The following DPP10 variants were observed in gnomAD, a reference collection of about 807,000 sequenced individuals.
The protein encoded by DPP10 is inactive dipeptidyl peptidase 10.
DPP10 carries 33 observed loss-of-function variants against 120.9 expected under a neutral mutation model. The ratio of observed to expected loss-of-function variants is 0.27; its 90% CI spans 0.21 to 0.37. The LOEUF is 0.37. Among genes scored for constraint, DPP10 ranks in the 10% least tolerant of loss-of-function variants. The probability of loss-of-function intolerance (pLI) is 1.00; values close to 1 mark genes in which losing one functional copy is unlikely to be tolerated. For missense variants in DPP10, 816 were observed against 942.8 expected (o/e 0.87, Z 1.76); for synonymous variants, 337 against 326.1 (o/e 1.03, Z -0.36).
At chr2:115,022,216 G>A (rs143991726) in intron 1 of DPP10, among the ~76,000 whole-genome samples, 3 of 152,228 alleles carry the variant, frequency 2.0e-5, no homozygotes, top group African/African-American at 7.2e-5. Flanking sequence ...TAAAGAGGAA[G>A]TGAAACTTTG....
At chr2:115,323,974 C>G (rs1490012892) in intron 2 of DPP10, among the ~76,000 whole-genome samples, 5 of 152,104 alleles carry the variant, frequency 3.3e-5, no homozygotes, top group Non-Finnish European at 4.4e-5. Flanking sequence ...AGAATGTCAC[C>G]AGCTGCATTA....
chr2:114,663,532 C>T (rs2105569394), intron 1 of DPP10, among the ~76,000 whole-genome samples: 1 of 150,040 alleles, frequency 6.7e-6, no homozygotes, highest in South Asian at 2.1e-4. Context: ...TTTTATTATA[C>T]ATTTCAATGT....
chr2:115,140,791 A>T (rs1173305355), intron 1 of DPP10, among the ~76,000 whole-genome samples: 4 of 152,186 alleles, frequency 2.6e-5, no homozygotes, highest in Non-Finnish European at 5.9e-5. Flanking sequence ...AATTAAAAGG[A>T]TGGAGCTACC....
intron 3 of DPP10, among the ~76,000 whole-genome samples, chr2:115,436,138 A>C (rs1574839940): frequency 6.6e-6 from 1 of 152,016 alleles, no homozygotes; most frequent in Non-Finnish European, 1.5e-5. Context: ...TATCAATAAA[A>C]GTCTATTGCA....
chr2:115,507,096 T>C (rs1322246581), intron 4 of DPP10, among the ~76,000 whole-genome samples: 10 of 151,896 alleles, frequency 6.6e-5, no homozygotes, highest in East Asian at 3.9e-4. Context: ...CCTATTATTA[T>C]GAACTACTAC....
At chr2:115,053,440 A>G (rs924840554) in intron 1 of DPP10, among the ~76,000 whole-genome samples, 2 of 152,234 alleles carry the variant, frequency 1.3e-5, no homozygotes, top group African/African-American at 4.8e-5. Context: ...GACATAAAGC[A>G]GATTAGTGGT....
chr2:115,286,142 C>T (rs2060356891), intron 1 of DPP10, among the ~76,000 whole-genome samples: 1 of 151,198 alleles, frequency 6.6e-6, no homozygotes, highest in Non-Finnish European at 1.5e-5. Context: ...AATACTCTTA[C>T]TCTAAGAAAG....
At chr2:115,636,426 C>T (rs1261418975) in intron 5 of DPP10, among the ~76,000 whole-genome samples, 1 of 152,090 alleles carries the variant, frequency 6.6e-6, no homozygotes, top group South Asian at 2.1e-4. Context: ...TTTTATTAAA[C>T]TGTTTATTTT....
At chr2:115,233,503 G>A (rs1207081709) in intron 1 of DPP10, among the ~76,000 whole-genome samples, 3 of 152,068 alleles carry the variant, frequency 2.0e-5, no homozygotes, top group East Asian at 3.9e-4. Flanking sequence ...GGCATCATTT[G>A]GAGCTGGAGA....
chr2:115,702,557 T>A (rs191021405), intron 7 of DPP10, among the ~76,000 whole-genome samples: 1 of 152,208 alleles, frequency 6.6e-6, no homozygotes. Context: ...GTGCTACAGC[T>A]TGGATGAACC....
At position 115,357,243 on chromosome 2, in the gene DPP10, C is replaced by G. The variant is rs535976969; in HGVS notation, c.271+13331C>G. Among the ~76,000 whole-genome samples, 31 of 152,318 alleles carry G rather than the reference C, an allele frequency of 2.0e-4. No homozygotes were observed. The South Asian group carries it at 5.4e-3, about 26-fold the overall frequency. ...GTCTCATCTGAGACAAGGGAAATCC[C>G]TTCCACCTAGTGCCTGTAAAACCAG... On this transcript the variant is annotated intron_variant, in intron 3 of 25. Coordinates refer to ENST00000410059, the MANE Select transcript of DPP10 (RefSeq NM_020868.6).
chr2:115,647,588 A>G (rs1006187755), intron 5 of DPP10, among the ~76,000 whole-genome samples: 6 of 152,178 alleles, frequency 3.9e-5, no homozygotes, highest in African/African-American at 1.2e-4. Flanking sequence ...CTGAGGGTAC[A>G]TCTTAGTCTG....
intron 7 of DPP10, among the ~76,000 whole-genome samples, chr2:115,697,711 T>C (rs4395250): frequency 0.91 from 137,876 of 152,164 alleles, 63,774 homozygotes; most frequent in Non-Finnish European, 1. Flanking sequence ...TAAGGCCAGG[T>C]GCAGTGGCTG....
chr2:114,513,271 C>T (rs1159093033), intron 1 of DPP10, among the ~76,000 whole-genome samples: 1 of 151,968 alleles, frequency 6.6e-6, no homozygotes, highest in Non-Finnish European at 1.5e-5. Context: ...GCCTGTAATC[C>T]CAGCACTTTG....
chr2:114,796,707 G>A (rs1683748179), intron 1 of DPP10, among the ~76,000 whole-genome samples: 1 of 152,162 alleles, frequency 6.6e-6, no homozygotes, highest in African/African-American at 2.4e-5. Context: ...CATTTTGCAT[G>A]TTCCTTTTAG....
At chr2:115,641,459 G>A (rs898166715) in intron 5 of DPP10, among the ~76,000 whole-genome samples, 2 of 151,986 alleles carry the variant, frequency 1.3e-5, no homozygotes, top group African/African-American at 4.8e-5. Context: ...TGCTCTTCCC[G>A]TTCATTTCCA....
chr2:115,315,190 A>C (rs1405934258), intron 2 of DPP10, among the ~76,000 whole-genome samples: 1 of 86,646 alleles, frequency 1.2e-5, no homozygotes. Context: ...TTAAGACAAC[A>C]GATTAAAAAA....
intron 1 of DPP10, among the ~76,000 whole-genome samples, chr2:115,298,495 GAGTGTGCACAGGAATCATCTGGAGAGCTT>G (rs1183779856): frequency 2.0e-5 from 3 of 152,044 alleles, no homozygotes; most frequent in Non-Finnish European, 4.4e-5. Flanking sequence ...TCTCCAATTT[GAGTGTGCACAGGAATCATCTGGAGAGCTT>G]GGTACAACAA....
At chr2:115,142,562 A>G (rs1397530087) in intron 1 of DPP10, among the ~76,000 whole-genome samples, 5 of 152,218 alleles carry the variant, frequency 3.3e-5, no homozygotes, top group African/African-American at 9.6e-5. Context: ...GCAGCTTTGA[A>G]AAACACGAAC....
Sources: allele counts gnomAD v4.1 joint callset (sites outside exome capture counted in the v4.1 genomes callset), GRCh38; gene constraint gnomAD v4.1.1; transcripts MANE v1.5; gene names NCBI Gene and HGNC (gene_info 2026-07-23, HGNC 2026-07-21).